The following NAALADL1 variants were observed in gnomAD, a reference collection of about 807,000 sequenced individuals.
The protein encoded by NAALADL1 is aminopeptidase NAALADL1.
In NAALADL1, 77 loss-of-function variants were observed where a neutral mutation model predicts 82.8. The ratio of observed to expected loss-of-function variants is 0.93; its 90% CI spans 0.77 to 1.12. The LOEUF is 1.12. NAALADL1 is among the 50% of genes most tolerant of loss of function. The probability of loss-of-function intolerance (pLI) is 0.00; values close to 1 mark genes in which losing one functional copy is unlikely to be tolerated. For missense variants in NAALADL1, 956 were observed against 964.0 expected (o/e 0.99, Z 0.11); for synonymous variants, 358 against 399.2 (o/e 0.90, Z 1.23).
chr11:65,054,183 A>G lies in NAALADL1; in HGVS notation c.992+67T>C. The G allele has an allele frequency of 2.2e-6, 3 of 1,358,470 alleles. No individual in the cohort carries two copies. Among genetic ancestry groups the G allele is most frequent in the Non-Finnish European group, 3.1e-6 (3 of 962,824 alleles). The allele number at this position is 1,358,470 out of a possible 1,614,324, so 84.2% of individuals were successfully genotyped here. ...AAGTGGAAAGAGGGAACATCATCAC[A>G]AGGGAAGGGGAGAGGCGAGTTGGGG... is the stretch of plus-strand genomic sequence containing the variant. On this transcript the variant is annotated intron_variant, in intron 6 of 17. Coordinates refer to ENST00000358658, the MANE Select transcript of NAALADL1 (RefSeq NM_005468.3). The surrounding 1 kb of genome is among the most constrained non-coding windows in gnomAD (Gnocchi z 4.3).
intron 13 of NAALADL1, among the ~76,000 whole-genome samples, chr11:65,047,235 T>C (rs1169396001): frequency 6.6e-6 from 1 of 152,148 alleles, no homozygotes; most frequent in East Asian, 1.9e-4. Context: ...TTTAGGAGGC[T>C]GAGGCGGGAG....
At chr11:65,056,712 CTTTTTTTTT>C (rs60069296) in intron 4 of NAALADL1, among the ~76,000 whole-genome samples, 12 of 133,238 alleles carry the variant, frequency 9.0e-5, no homozygotes, top group Middle Eastern at 4.1e-3. Flanking sequence ...CATGCCCAGC[CTTTTTTTTT>C]TTTTTTTTTT....
Position 65,045,256 on chromosome 11 carries a change from G to T in NAALADL1, c.*15C>A. ...GGGTTGGAGTAAAGGGAGGGCTGAA[G>T]AAAGAGGGCTGGGGTCAGAGGTCAG... On this transcript the variant is annotated 3_prime_UTR_variant, in exon 18 of 18. Transcript: ENST00000358658. The T allele has an allele frequency of 6.2e-7, 1 of 1,602,174 alleles. No homozygotes were observed. Among genetic ancestry groups the T allele is most frequent in the South Asian group, 1.1e-5 (1 of 89,738 alleles).
In NAALADL1 at chr11:65,045,120, CT is replaced by C; in HGVS notation, c.*150del. 1.2e-6 allele frequency: 1 copy of C among 857,532 alleles called. No homozygotes were observed. Among genetic ancestry groups the C allele is most frequent in the South Asian group, 1.8e-5 (1 of 54,960 alleles). The allele number at this position is 857,532 out of a possible 1,614,324, so 53.1% of individuals were successfully genotyped here. On this transcript the variant is annotated 3_prime_UTR_variant, in exon 18 of 18. Transcript: ENST00000358658. ...GGGTGAGTTGCATTAGGGCTTGCCACTCCCCTCAGGGACCTCAAGCTGTTGC... is the reference window on the plus strand; with the variant it reads ...GGGTGAGTTGCATTAGGGCTTGCCACCCCCTCAGGGACCTCAAGCTGTTGC...
At position 65,053,369 on chromosome 11, in the gene NAALADL1, GGA is replaced by G. The variant is rs747466114; in HGVS notation, c.1079-34_1079-33del. On this transcript the variant is annotated intron_variant, in intron 7 of 17. Transcript: ENST00000358658. This position sits in a 1 kb window ranked among gnomAD's most constrained non-coding sequence, Gnocchi z 4.3. ...AGAGGAAAAGGGGCAGAGAACCAGA[GGA>G]GAGGGAGAGGTGGGCAGGGGGAGCT... 3.1e-5 allele frequency: 50 copies of G among 1,606,846 alleles called. No homozygotes were observed. The highest frequency in any genetic ancestry group is 3.2e-5 in the Non-Finnish European group (38 of 1,176,828).
intron 17 of NAALADL1, 65 bp downstream of exon 17, chr11:65,045,757 T>C (rs1196445596): frequency 6.9e-6 from 10 of 1,456,810 alleles, no homozygotes; most frequent in Non-Finnish European, 9.6e-6. Context: ...CCACCTCGTC[T>C]CAGGTGGGGA....
chr11:65,060,123 C>CGTGTGTGT (rs139317710), upstream of NAALADL1, among the ~76,000 whole-genome samples: 12 of 147,472 alleles, frequency 8.1e-5, no homozygotes, highest in African/African-American at 2.2e-4. Flanking sequence ...CAGGGCAGAG[C>CGTGTGTGT]GTGTGTGTGT....
chr11:65,056,191 TA>T (rs959373546), intron 4 of NAALADL1, among the ~76,000 whole-genome samples: 1 of 151,952 alleles, frequency 6.6e-6, no homozygotes, highest in Non-Finnish European at 1.5e-5. Flanking sequence ...AGCCCACTTT[TA>T]AAAAAATTGT....
At chr11:65,045,940 T>A (rs1201708927) in intron 16 of NAALADL1, 26 bp from the exon 17 acceptor site, 21 of 1,612,704 alleles carry the variant, frequency 1.3e-5, no homozygotes, top group Non-Finnish European at 1.7e-5. Context: ...GAACTGCCAG[T>A]CACCCTGGAG....
upstream of NAALADL1, among the ~76,000 whole-genome samples, chr11:65,060,308 A>T (rs1474423906): frequency 6.6e-6 from 1 of 152,274 alleles, no homozygotes; most frequent in East Asian, 1.9e-4. Context: ...TCATGTGATC[A>T]GTGACTTCAG....
Position 65,046,111 on chromosome 11 carries a change from G to A in NAALADL1, c.1859C>T (p.Pro620Leu). ...LLEQHSISLG[P>L]LVTAVEKFEA... ...AAACTTCTCCACTGCAGTCACCAGA[G>A]GCCCTGTGAGGAACAAGCAGTGGCT... The change falls in exon 16 of 18, where the codon CCT becomes CTT. Residue 620 changes from proline (P) to leucine (L), a missense_variant. Coordinates refer to ENST00000358658, the MANE Select transcript of NAALADL1 (RefSeq NM_005468.3). 6.2e-7 allele frequency: 1 copy of A among 1,614,160 alleles called. No homozygotes were observed. The highest frequency in any genetic ancestry group is 8.5e-7 in the Non-Finnish European group (1 of 1,180,034).
chr11:65,053,068 G>A lies in NAALADL1; in HGVS notation c.1198+150C>T, dbSNP rs1565234374. 9.9e-7 allele frequency: 1 copy of A among 1,012,874 alleles called. No individual in the cohort carries two copies. The highest frequency in any genetic ancestry group is 1.7e-5 in the South Asian group (1 of 59,224). 62.7% of individuals were successfully genotyped at this position (1,012,874 alleles called of 1,614,324 possible). A position where few individuals can be genotyped will look rare whatever the true frequency, so the allele number is the denominator to read the frequency against. On this transcript the variant is annotated intron_variant, in intron 8 of 17. Coordinates refer to ENST00000358658, the MANE Select transcript of NAALADL1 (RefSeq NM_005468.3). The surrounding 1 kb of genome is among the most constrained non-coding windows in gnomAD (Gnocchi z 4.3). ...TCTATTCCCTGTACCACACTGGGCT[G>A]CTGCAGGCCAAGGCTGGTGTCATGC...
chr11:65,054,640 G>T lies in NAALADL1; in HGVS notation c.702C>A (p.Pro234=). The stretch of plus-strand genomic sequence containing the variant: ...CTGAGGGGGGCAGGTACCAGGAGTT[G>T]GGAAAGGTTTCGTCGGGTGAGCTCA... ...DGLSSPDETF[P]NSWYLPPSGV... The change falls in exon 5 of 18, where the codon CCC becomes CCA. Residue 234 remains proline (P), a synonymous_variant. Transcript: ENST00000358658. The surrounding 1 kb of genome is among the most constrained non-coding windows in gnomAD (Gnocchi z 4.3). 6.2e-7 allele frequency: 1 copy of T among 1,614,082 alleles called. No individual in the cohort carries two copies. Among genetic ancestry groups the T allele is most frequent in the Non-Finnish European group, 8.5e-7 (1 of 1,180,002 alleles).
Position 65,058,442 on chromosome 11 carries a change from G to A in NAALADL1, c.80C>T (p.Ala27Val). The stretch of plus-strand genomic sequence containing the variant: ...CAGTGAGTTGGCTTTTTTGGGGATG[G>A]CAAAGTGGCCGAGGATGATCCCCAG... ...LGLGIILGHFAIPKKANSLAP... is the reference protein window; with the variant it reads ...LGLGIILGHFVIPKKANSLAP... The change falls in exon 1 of 18, where the codon GCC (alanine) becomes GTC (valine). Residue 27 changes from alanine to valine, a missense_variant. Coordinates refer to ENST00000358658, the MANE Select transcript of NAALADL1 (RefSeq NM_005468.3). 1 of 1,613,960 alleles carries A rather than the reference G, an allele frequency of 6.2e-7. No homozygotes were observed. Among genetic ancestry groups the A allele is most frequent in the Non-Finnish European group, 8.5e-7 (1 of 1,179,938 alleles).
chr11:65,045,175 G>T lies in NAALADL1; in HGVS notation c.*96C>A. The T allele has an allele frequency of 7.3e-7, 1 of 1,369,972 alleles. No homozygotes were observed. The highest frequency in any genetic ancestry group is 9.9e-7 in the Non-Finnish European group (1 of 1,007,648). 84.9% of individuals were successfully genotyped at this position (1,369,972 alleles called of 1,614,324 possible). ...AGAAGCTTGAGAGGGTCCTGTGGTA[G>T]TGCCCTCTTCTGGCACCAAGGAAGA... On this transcript the variant is annotated 3_prime_UTR_variant, in exon 18 of 18. Coordinates refer to ENST00000358658, the MANE Select transcript of NAALADL1 (RefSeq NM_005468.3).
chr11:65,045,760 G>T, intron 17 of NAALADL1, 62 bp downstream of exon 17: 1 of 1,497,942 alleles, frequency 6.7e-7, no homozygotes, highest in Non-Finnish European at 9.3e-7. Context: ...CCTCGTCTCA[G>T]GTGGGGAGCC....
intron 8 of NAALADL1, 104 bp from the exon 9 acceptor site, chr11:65,048,489 G>A: frequency 3.9e-6 from 5 of 1,295,688 alleles, no homozygotes; most frequent in South Asian, 1.2e-5. Flanking sequence ...GAAAAGGCGG[G>A]GCAGCTGGTG....
rs1289851917 is a variant in NAALADL1 at position 65,047,892 on chromosome 11, T to A, written c.1416+89A>T. On this transcript the variant is annotated intron_variant, in intron 11 of 17. Coordinates refer to ENST00000358658, the MANE Select transcript of NAALADL1 (RefSeq NM_005468.3). Reference sequence around the variant, plus strand: ...CCCCAGCAGATCTAGAGAGTACCACTCCCCAGCCCCGCCCACCCGTAGCGG... The same window carrying A: ...CCCCAGCAGATCTAGAGAGTACCACACCCCAGCCCCGCCCACCCGTAGCGG... 3 of 1,367,690 alleles carry A rather than the reference T, an allele frequency of 2.2e-6. No homozygotes were observed. The East Asian group carries it at 7.5e-5, about 34-fold the overall frequency. The allele number at this position is 1,367,690 out of a possible 1,614,324, so 84.7% of individuals were successfully genotyped here.
In NAALADL1 at chr11:65,054,240, T is replaced by TGCATCTCACCTGTCTGCTGG; in HGVS notation, c.982_992+9dup. 1 of 1,611,916 alleles carries TGCATCTCACCTGTCTGCTGG rather than the reference T, an allele frequency of 6.2e-7. No individual in the cohort carries two copies. Among genetic ancestry groups the TGCATCTCACCTGTCTGCTGG allele is most frequent in the Non-Finnish European group, 8.5e-7 (1 of 1,178,614 alleles). Reference sequence around the variant, plus strand: ...GCAACTGAGGGAGACCTGGTCTGGCTGCATCTCACCTGTCTGCTGGGAAGT... The same window carrying TGCATCTCACCTGTCTGCTGG: ...GCAACTGAGGGAGACCTGGTCTGGCTGCATCTCACCTGTCTGCTGGGCATCTCACCTGTCTGCTGGGAAGT... On this transcript the variant is annotated intron_variant, in intron 6 of 17. Coordinates refer to ENST00000358658, the MANE Select transcript of NAALADL1 (RefSeq NM_005468.3). This position sits in a 1 kb window ranked among gnomAD's most constrained non-coding sequence, Gnocchi z 4.3.
Sources: allele counts gnomAD v4.1 joint callset (sites outside exome capture counted in the v4.1 genomes callset), GRCh38; gene constraint gnomAD v4.1.1; non-coding constraint Gnocchi (gnomAD v3.1); transcripts MANE v1.5; gene names NCBI Gene and HGNC (gene_info 2026-07-23, HGNC 2026-07-21).